NTN1: variants seen among roughly 807,000 people sequenced by gnomAD.
NTN1 encodes the protein netrin 1.
A neutral mutation model predicts 54.2 loss-of-function variants in NTN1; 11 were observed. The ratio of observed to expected loss-of-function variants is 0.20; its 90% CI spans 0.13 to 0.34. The LOEUF is 0.34. Ranked by LOEUF, NTN1 falls within the 10% of genes least tolerant of loss-of-function variation. NTN1 has a pLI of 1.00. For synonymous variants in NTN1, 371 were observed against 382.0 expected (o/e 0.97, Z 0.33); for missense variants, 740 against 893.1 (o/e 0.83, Z 2.18).
intron 6 of NTN1, among the ~76,000 whole-genome samples, chr17:9,230,987 CTGTCCAAGG>C (rs1905790575): frequency 6.6e-6 from 1 of 152,118 alleles, no homozygotes; most frequent in African/African-American, 2.4e-5. Flanking sequence ...GGGTGGGGAT[CTGTCCAAGG>C]TGCCCGGAGT....
chr17:9,086,492 T>G (rs564648967), intron 2 of NTN1, among the ~76,000 whole-genome samples: 9 of 152,208 alleles, frequency 5.9e-5, no homozygotes, highest in Admixed American at 5.2e-4. Context: ...TAGAGGGGAA[T>G]GTACACCAGC....
At chr17:9,115,329 T>G (rs893131426) in intron 2 of NTN1, among the ~76,000 whole-genome samples, 1 of 152,198 alleles carries the variant, frequency 6.6e-6, no homozygotes, top group African/African-American at 2.4e-5. Flanking sequence ...GAGGTGGTTT[T>G]GAGGTGTTCA....
At chr17:9,105,410 G>T (rs1387887738) in intron 2 of NTN1, among the ~76,000 whole-genome samples, 1 of 152,178 alleles carries the variant, frequency 6.6e-6, no homozygotes, top group African/African-American at 2.4e-5. Context: ...AAAGGCTTAG[G>T]AACATTTGGG....
chr17:9,096,749 G>A (rs1196037460), intron 2 of NTN1, among the ~76,000 whole-genome samples: 1 of 151,788 alleles, frequency 6.6e-6, no homozygotes, highest in Non-Finnish European at 1.5e-5. Flanking sequence ...TTCTTGCATT[G>A]GCTACACCAT....
chr17:9,226,713 C>T (rs538618468), intron 6 of NTN1, among the ~76,000 whole-genome samples: 34 of 152,208 alleles, frequency 2.2e-4, no homozygotes, highest in African/African-American at 7.0e-4. Flanking sequence ...AGCATATTCG[C>T]GATTCCTGCC....
At chr17:9,013,935 T>C in the NTN1 span, among the ~76,000 whole-genome samples, 1 of 152,226 alleles carries the variant, frequency 6.6e-6, no homozygotes, top group African/African-American at 2.4e-5. Flanking sequence ...TTTTTGCAAA[T>C]GAAAATAAAT....
intron 2 of NTN1, among the ~76,000 whole-genome samples, chr17:9,151,953 T>A (rs186853242): frequency 6.6e-6 from 1 of 152,026 alleles, no homozygotes; most frequent in East Asian, 1.9e-4. Context: ...TCAGCCCGAG[T>A]CTAAAAGTAG....
intron 5 of NTN1, among the ~76,000 whole-genome samples, chr17:9,202,088 A>C (rs1021507430): frequency 7.9e-6 from 1 of 126,922 alleles, no homozygotes; most frequent in South Asian, 2.7e-4. Flanking sequence ...AAAAAAAAAA[A>C]AACTTAGCCA....
rs545683153 is a variant in NTN1 at position 9,124,199 on chromosome 17, T to G, written c.1019-38614T>G. Among the ~76,000 whole-genome samples, 3 of 152,362 alleles carry G rather than the reference T, an allele frequency of 2.0e-5. No individual in the cohort carries two copies. The South Asian group carries it at 6.2e-4, about 32-fold the overall frequency. ...AGCCTCACTCTTCTGACTCATGTTCTCTGACTTCTAGACGCTTTTCTTCCA... is the reference window on the plus strand; with the variant it reads ...AGCCTCACTCTTCTGACTCATGTTCGCTGACTTCTAGACGCTTTTCTTCCA... On this transcript the variant is annotated intron_variant, in intron 2 of 6. Coordinates refer to ENST00000173229, the MANE Select transcript of NTN1 (RefSeq NM_004822.3).
chr17:9,130,337 G>A lies in NTN1; in HGVS notation c.1019-32476G>A, dbSNP rs79206891. On this transcript the variant is annotated intron_variant, in intron 2 of 6. Coordinates refer to ENST00000173229, the MANE Select transcript of NTN1 (RefSeq NM_004822.3). ...AATCATCCTGAGGACTAAGGGAGGC[G>A]GCAGGAGTCCCGTGCCTTGCTCACA... is the stretch of plus-strand genomic sequence containing the variant. Among the ~76,000 whole-genome samples, 529 of 152,182 alleles carry A rather than the reference G, an allele frequency of 3.5e-3. 3 individuals are homozygous for A. Among genetic ancestry groups the A allele is most frequent in the African/African-American group, 0.012 (501 of 41,502 alleles).
chr17:9,230,040 G>A (rs917895363), intron 6 of NTN1, among the ~76,000 whole-genome samples: 13 of 136,686 alleles, frequency 9.5e-5, no homozygotes, highest in African/African-American at 2.6e-4. Context: ...TCAGGGACAC[G>A]GGGCCTCTCA....
At chr17:9,048,358 CT>C (rs748971270) in intron 2 of NTN1, among the ~76,000 whole-genome samples, 1 of 150,970 alleles carries the variant, frequency 6.6e-6, no homozygotes, top group Non-Finnish European at 1.5e-5. Flanking sequence ...CAACAGTGGG[CT>C]TAAAATATTA....
intron 5 of NTN1, among the ~76,000 whole-genome samples, chr17:9,201,405 G>A (rs1313230441): frequency 6.6e-6 from 1 of 152,170 alleles, no homozygotes; most frequent in Non-Finnish European, 1.5e-5. Flanking sequence ...GGGTGATTTG[G>A]ACCTCAGGGC....
At chr17:9,074,888 T>C (rs2092044170) in intron 2 of NTN1, among the ~76,000 whole-genome samples, 1 of 152,188 alleles carries the variant, frequency 6.6e-6, no homozygotes, top group Non-Finnish European at 1.5e-5. Flanking sequence ...TTGGGCCCAT[T>C]GGAATACTGT....
intron 2 of NTN1, among the ~76,000 whole-genome samples, chr17:9,142,937 A>G (rs1459763489): frequency 6.6e-6 from 1 of 152,228 alleles, no homozygotes; most frequent in African/African-American, 2.4e-5. Context: ...TATTTAAAGT[A>G]CACATACACT....
intron 2 of NTN1, among the ~76,000 whole-genome samples, chr17:9,072,680 G>T (rs1307988419): frequency 1.3e-5 from 2 of 152,186 alleles, no homozygotes; most frequent in East Asian, 1.9e-4. Context: ...GGAGGCAGGG[G>T]TGGGAATAAG....
At chr17:9,032,391 G>A (rs2091890760) in intron 2 of NTN1, among the ~76,000 whole-genome samples, 1 of 152,142 alleles carries the variant, frequency 6.6e-6, no homozygotes, top group African/African-American at 2.4e-5. Context: ...TGAAACAAAA[G>A]CTTATCACTG....
intron 2 of NTN1, among the ~76,000 whole-genome samples, chr17:9,064,038 T>C (rs2092007269): frequency 6.6e-6 from 1 of 152,182 alleles, no homozygotes; most frequent in Non-Finnish European, 1.5e-5. Flanking sequence ...TTACTATAGC[T>C]TCTTCAAGGT....
chr17:9,094,244 AC>A (rs1459559590), intron 2 of NTN1, among the ~76,000 whole-genome samples: 1 of 152,164 alleles, frequency 6.6e-6, no homozygotes, highest in Admixed American at 6.5e-5. Context: ...TGAATGTACC[AC>A]AGATTCTGAT....
Sources: gnomAD v4.1 joint callset for allele counts (sites outside exome capture counted in the v4.1 genomes callset) on GRCh38, gnomAD v4.1.1 for gene constraint, MANE v1.5 for transcripts, NCBI Gene and HGNC (gene_info 2026-07-23, HGNC 2026-07-21) for gene names.